SLC16A10: variants seen among roughly 807,000 people sequenced by gnomAD.
The protein encoded by SLC16A10 is monocarboxylate transporter 10.
In SLC16A10, 27 loss-of-function variants were observed where a neutral mutation model predicts 40.0. The observed-to-expected ratio is 0.67, with a 90% CI of 0.50 to 0.93. The LOEUF (loss-of-function observed/expected upper bound fraction) is 0.93. Among genes scored for constraint, SLC16A10 ranks in the 40% least tolerant of loss-of-function variants. The pLI, the probability that SLC16A10 is intolerant of heterozygous loss-of-function variation, is 0.00. For synonymous variants in SLC16A10, 213 were observed against 249.8 expected, an observed-to-expected ratio of 0.85 and a Z score of 1.39; for missense variants, 529 against 658.2, an observed-to-expected ratio of 0.80 and a Z score of 2.15.
intron 1 of SLC16A10, among the ~76,000 whole-genome samples, chr6:111,137,410 G>A (rs1771898566): frequency 1.3e-5 from 2 of 152,242 alleles, no homozygotes; most frequent in South Asian, 4.1e-4. Context: ...AGCCTGTGAA[G>A]TGTGCCAAAA....
At chr6:111,103,802 G>A (rs550835168) in intron 1 of SLC16A10, among the ~76,000 whole-genome samples, 2 of 152,270 alleles carry the variant, frequency 1.3e-5, no homozygotes, top group East Asian at 3.9e-4. Context: ...GAGGGTATCC[G>A]AGGTGAGAGT....
chr6:111,129,835 A>G (rs75411540), intron 1 of SLC16A10, among the ~76,000 whole-genome samples: 12,406 of 152,268 alleles, frequency 0.081, 1,567 homozygotes, highest in African/African-American at 0.27. Context: ...GGCCTGAGAC[A>G]ACTGATAGAG....
intron 1 of SLC16A10, among the ~76,000 whole-genome samples, chr6:111,105,523 A>G (rs1306177317): frequency 6.6e-6 from 1 of 152,098 alleles, no homozygotes; most frequent in African/African-American, 2.4e-5. Flanking sequence ...TTAGGGGAGG[A>G]GGTGTCATCT....
At chr6:111,132,752 A>G (rs981188962) in intron 1 of SLC16A10, among the ~76,000 whole-genome samples, 2 of 152,218 alleles carry the variant, frequency 1.3e-5, no homozygotes, top group Non-Finnish European at 2.9e-5. Context: ...CAAAGGTCCG[A>G]CAGATCTAGG....
chr6:111,115,226 T>G (rs1211641764), intron 1 of SLC16A10, among the ~76,000 whole-genome samples: 1 of 152,166 alleles, frequency 6.6e-6, no homozygotes, highest in African/African-American at 2.4e-5. Flanking sequence ...CTTTGTTTGC[T>G]TGTTTTTTTT....
chr6:111,148,709 C>G (rs1772121491), intron 1 of SLC16A10, among the ~76,000 whole-genome samples: 1 of 152,184 alleles, frequency 6.6e-6, no homozygotes, highest in South Asian at 2.1e-4. Context: ...AATGTATGCT[C>G]TAGACTGGGT....
At chr6:111,168,169 G>C (rs1008841329) in intron 1 of SLC16A10, among the ~76,000 whole-genome samples, 1 of 152,046 alleles carries the variant, frequency 6.6e-6, no homozygotes, top group Non-Finnish European at 1.5e-5. Flanking sequence ...TAGTAGAGAT[G>C]GGGTTTCGCC....
At chr6:111,168,711 G>A (rs551103440) in intron 1 of SLC16A10, among the ~76,000 whole-genome samples, 1 of 152,258 alleles carries the variant, frequency 6.6e-6, no homozygotes, top group Admixed American at 6.5e-5. Flanking sequence ...AATTACTATT[G>A]TAACAAAATC....
rs747619378 is a variant in SLC16A10 at position 111,088,100 on chromosome 6, G to A, written c.343+5G>A. ...ACAAGATGGTCTTTAAGACAGGTGAGGCGCGGCGCCCGCCGAGGCCAGCCT... is the reference window on the plus strand; with the variant it reads ...ACAAGATGGTCTTTAAGACAGGTGAAGCGCGGCGCCCGCCGAGGCCAGCCT... On this transcript the variant is annotated splice_donor_5th_base_variant and intron_variant, in intron 1 of 5. Transcript: ENST00000368851. The A allele has an allele frequency of 9.4e-6, 15 of 1,592,484 alleles. No individual in the cohort carries two copies. Among genetic ancestry groups the A allele is most frequent in the Non-Finnish European group, 1.2e-5 (14 of 1,171,220 alleles).
At position 111,226,129 on chromosome 6, in the gene SLC16A10, T is replaced by C. The variant is rs1042344157; in HGVS notation, c.*3894T>C. 4 of 152,220 alleles carry C rather than the reference T, an allele frequency of 2.6e-5. No individual in the cohort carries two copies. Among genetic ancestry groups the C allele is most frequent in the African/African-American group, 4.8e-5 (2 of 41,456 alleles). The allele number at this position is 152,220 out of a possible 1,614,324, so 9.4% of individuals were successfully genotyped here. ...ATTTCATACAAATTAGTATCTTTTA[T>C]GCTAACATTTAAAACTGTATTTAAA... On this transcript the variant is annotated 3_prime_UTR_variant, in exon 6 of 6. Coordinates refer to ENST00000368851, the MANE Select transcript of SLC16A10 (RefSeq NM_018593.5).
intron 1 of SLC16A10, among the ~76,000 whole-genome samples, chr6:111,134,320 C>G (rs888730739): frequency 3.9e-5 from 6 of 152,312 alleles, no homozygotes; most frequent in African/African-American, 1.2e-4. Flanking sequence ...ATCCTACCAC[C>G]TTTCTGGAGA....
rs140127816 is a variant in SLC16A10, at chr6:111,173,830, T to C, written c.488+991T>C. ...ATAATTATTTCATTATATATTACAA[T>C]GTAATAATAATAGAAATAAAGTGCA... is the stretch of plus-strand genomic sequence containing the variant. On this transcript the variant is annotated intron_variant, in intron 2 of 5. Transcript: ENST00000368851. Among the ~76,000 whole-genome samples the C allele has an allele frequency of 1.1e-3, 168 of 152,294 alleles. 1 individual carries two copies. Among genetic ancestry groups the C allele is most frequent in the African/African-American group, 3.9e-3 (163 of 41,562 alleles).
intron 1 of SLC16A10, among the ~76,000 whole-genome samples, chr6:111,097,422 GT>G (rs1771093688): frequency 6.6e-6 from 1 of 151,418 alleles, no homozygotes; most frequent in Admixed American, 6.6e-5. Context: ...AGCGATTTTC[GT>G]GTCCCAGCCT....
chr6:111,177,786 T>C (rs984177955), intron 3 of SLC16A10, 121 bp downstream of exon 3: 3 of 870,934 alleles, frequency 3.4e-6, no homozygotes, highest in Non-Finnish European at 5.0e-6. Flanking sequence ...AATTTTGGTA[T>C]TCTTGAAATG....
chr6:111,111,105 G>A (rs976502314), intron 1 of SLC16A10, among the ~76,000 whole-genome samples: 6 of 151,602 alleles, frequency 4.0e-5, no homozygotes, highest in South Asian at 2.1e-4. Context: ...TACCCTCCAA[G>A]GCAAAATTGC....
chr6:111,201,109 G>T (rs1033422630), intron 3 of SLC16A10, among the ~76,000 whole-genome samples: 1 of 152,074 alleles, frequency 6.6e-6, no homozygotes, highest in Admixed American at 6.6e-5. Context: ...TATTCTCCTA[G>T]ACATAAAATG....
chr6:111,207,380 T>A (rs1773272532), intron 4 of SLC16A10, among the ~76,000 whole-genome samples: 1 of 152,194 alleles, frequency 6.6e-6, no homozygotes, highest in Admixed American at 6.5e-5. Context: ...ACTTTTCAGC[T>A]TCTTTACTGC....
intron 1 of SLC16A10, among the ~76,000 whole-genome samples, chr6:111,164,841 G>A (rs1358308802): frequency 6.6e-6 from 1 of 152,136 alleles, no homozygotes; most frequent in Non-Finnish European, 1.5e-5. Flanking sequence ...GCATAATTTA[G>A]ACCACATGTT....
chr6:111,122,856 G>C (rs546186122), intron 1 of SLC16A10, among the ~76,000 whole-genome samples: 1 of 152,318 alleles, frequency 6.6e-6, no homozygotes, highest in East Asian at 1.9e-4. Context: ...CATGGTTGGA[G>C]TTTACTCTTA....
Sources: gnomAD v4.1 joint callset for allele counts (sites outside exome capture counted in the v4.1 genomes callset) on GRCh38, gnomAD v4.1.1 for gene constraint, MANE v1.5 for transcripts, NCBI Gene and HGNC (gene_info 2026-07-23, HGNC 2026-07-21) for gene names.